Variants in NTNG2 observed in about 807,000 individuals in gnomAD.
NTNG2 encodes the protein netrin G2, also known as netrin-G2.
In NTNG2, 15 loss-of-function variants were observed where a neutral mutation model predicts 47.6. The ratio of observed to expected loss-of-function variants is 0.32; its 90% CI spans 0.21 to 0.49. The LOEUF is 0.49. Ranked by LOEUF, NTNG2 falls within the 20% of genes least tolerant of loss-of-function variation. The pLI is 0.99. For synonymous variants in NTNG2, 307 were observed against 324.6 expected (o/e 0.95, Z 0.58); for missense variants, 578 against 764.6 (o/e 0.76, Z 2.88).
chr9:132,167,098 G>C, intron 2 of NTNG2, 54 bp downstream of exon 2: 1 of 1,583,332 alleles, frequency 6.3e-7, no homozygotes, highest in Non-Finnish European at 8.6e-7. Flanking sequence ...AGGAGGTCTG[G>C]AGGAGATCCT....
intron 3 of NTNG2, among the ~76,000 whole-genome samples, chr9:132,224,926 T>C (rs1840627181): frequency 6.8e-6 from 1 of 148,034 alleles, no homozygotes; most frequent in African/African-American, 2.6e-5. Context: ...TCTCTCTGCT[T>C]TTTTTTTTCC....
chr9:132,193,138 G>A (rs547194025), intron 2 of NTNG2, among the ~76,000 whole-genome samples: 1 of 152,386 alleles, frequency 6.6e-6, no homozygotes, highest in East Asian at 1.9e-4. Context: ...AAGGCAGGAA[G>A]ATGAAGAGAG....
At chr9:132,175,109 C>T (rs948159113) in intron 2 of NTNG2, among the ~76,000 whole-genome samples, 6 of 151,890 alleles carry the variant, frequency 4.0e-5, no homozygotes, top group African/African-American at 7.2e-5. Context: ...CGTGCAGAGA[C>T]GCAGGGAAGG....
chr9:132,240,751 C>T (rs774492482), intron 6 of NTNG2, 159 bp from the exon 7 acceptor site: 22 of 1,092,500 alleles, frequency 2.0e-5, no homozygotes, highest in Non-Finnish European at 2.9e-5. Flanking sequence ...CCTGGGAAGT[C>T]CCCACCTGCC....
rs1838372415 is a variant in NTNG2 at position 132,197,158 on chromosome 9, G to A, written c.214-808G>A. Among the ~76,000 whole-genome samples the A allele has an allele frequency of 6.6e-6, 1 of 152,214 alleles. No homozygotes were observed. Among genetic ancestry groups the A allele is most frequent in the Non-Finnish European group, 1.5e-5 (1 of 68,046 alleles). Reference sequence around the variant, plus strand: ...CAATCCCAGCACTTTGGGAGGGCAAGCCAGGTGGATCAACGGAGGTCAGAG... The same window carrying A: ...CAATCCCAGCACTTTGGGAGGGCAAACCAGGTGGATCAACGGAGGTCAGAG... On this transcript the variant is annotated intron_variant, in intron 2 of 7. Transcript: ENST00000393229. The surrounding 1 kb of genome is among the most constrained non-coding windows in gnomAD (Gnocchi z 4.3).
intron 3 of NTNG2, among the ~76,000 whole-genome samples, chr9:132,207,354 C>T (rs1355766152): frequency 6.6e-6 from 1 of 152,180 alleles, no homozygotes; most frequent in Non-Finnish European, 1.5e-5. Flanking sequence ...CTGTCCCATA[C>T]CCTCCGCCCT....
Position 132,216,416 on chromosome 9 carries a change from GTGTGTGTGTGTA to G in NTNG2, c.858-10421_858-10410del, listed in dbSNP as rs1262376920. On this transcript the variant is annotated intron_variant, in intron 3 of 7. Coordinates refer to ENST00000393229, the MANE Select transcript of NTNG2 (RefSeq NM_032536.4). ...TCTCTCTCTCTCTCTCTCTCTCTCT[GTGTGTGTGTGTA>G]TGTGTGTGTGTGTGTGTGTGTGTGT... Among the ~76,000 whole-genome samples, 133 of 31,924 alleles carry G rather than the reference GTGTGTGTGTGTA, an allele frequency of 4.2e-3. 4 individuals carry two copies. Among genetic ancestry groups the G allele is most frequent in the African/African-American group, 0.018 (126 of 6,920 alleles). 20.9% of individuals were successfully genotyped at this position (31,924 alleles called of 152,430 possible). A position where few individuals can be genotyped will look rare whatever the true frequency, so the allele number is the denominator to read the frequency against.
At position 132,221,909 on chromosome 9, in the gene NTNG2, T is replaced by C. The variant is rs79125289; in HGVS notation, c.858-4940T>C. The stretch of plus-strand genomic sequence containing the variant: ...CAAGGTCAATGTTATCACCCAAAGT[T>C]GATGGCAATCTTTTCTTTCGGTAGC... On this transcript the variant is annotated intron_variant, in intron 3 of 7. Transcript: ENST00000393229. The surrounding 1 kb of genome is among the most constrained non-coding windows in gnomAD (Gnocchi z 4.2). Among the ~76,000 whole-genome samples the C allele has an allele frequency of 3.0e-4, 46 of 152,372 alleles. No individual in the cohort carries two copies. The highest frequency in any genetic ancestry group is 1.1e-3 in the African/African-American group (44 of 41,588).
intron 2 of NTNG2, among the ~76,000 whole-genome samples, chr9:132,173,645 T>C (rs967342562): frequency 2.6e-5 from 4 of 152,216 alleles, no homozygotes; most frequent in South Asian, 2.1e-4. Context: ...AGTGGATGGA[T>C]GGACAGACGA....
intron 2 of NTNG2, among the ~76,000 whole-genome samples, chr9:132,187,578 AG>A: frequency 7.0e-6 from 1 of 143,220 alleles, no homozygotes; most frequent in Non-Finnish European, 1.5e-5. Flanking sequence ...CAAGAGAGAG[AG>A]AGAGAGAGAG....
At chr9:132,230,733 A>G in intron 5 of NTNG2, 138 bp downstream of exon 5, 1 of 803,010 alleles carries the variant, frequency 1.2e-6, no homozygotes, top group South Asian at 1.6e-5. Context: ...TCCTCTAATT[A>G]CACCCCATCT....
chr9:132,183,387 C>T (rs778456367), intron 2 of NTNG2, among the ~76,000 whole-genome samples: 1 of 152,210 alleles, frequency 6.6e-6, no homozygotes, highest in Admixed American at 6.5e-5. Flanking sequence ...AGCGTGCATG[C>T]GTTAACCCAT....
chr9:132,216,513 G>A (rs11243675), intron 3 of NTNG2, among the ~76,000 whole-genome samples: 1 of 150,812 alleles, frequency 6.6e-6, no homozygotes, highest in South Asian at 2.1e-4. Context: ...TAAAGCCGTA[G>A]GATTCTGCAG....
In NTNG2 at chr9:132,236,482, C is replaced by A. The variant is rs1841634869; in HGVS notation, c.1055-2622C>A. Among the ~76,000 whole-genome samples the A allele has an allele frequency of 6.6e-6, 1 of 152,224 alleles. No homozygotes were observed. The highest frequency in any genetic ancestry group is 6.5e-5 in the Admixed American group (1 of 15,282). On this transcript the variant is annotated intron_variant, in intron 5 of 7. Transcript: ENST00000393229. The surrounding 1 kb of genome is among the most constrained non-coding windows in gnomAD (Gnocchi z 4.3). The stretch of plus-strand genomic sequence containing the variant: ...GAATTAGGGCCTGAGGTCTAGGGAA[C>A]AGGTGAGCTGTTCCTTCCAGCTCAC...
chr9:132,242,121 G>C lies in NTNG2; in HGVS notation c.*10G>C. 1 of 1,115,450 alleles carries C rather than the reference G, an allele frequency of 9.0e-7. No homozygotes were observed. Among genetic ancestry groups the C allele is most frequent in the Non-Finnish European group, 1.1e-6 (1 of 913,256 alleles). 69.1% of individuals were successfully genotyped at this position (1,115,450 alleles called of 1,614,324 possible). A position where few individuals can be genotyped will look rare whatever the true frequency, so the allele number is the denominator to read the frequency against. On this transcript the variant is annotated 3_prime_UTR_variant, in exon 8 of 8. Coordinates refer to ENST00000393229, the MANE Select transcript of NTNG2 (RefSeq NM_032536.4). This position sits in a 1 kb window ranked among gnomAD's most constrained non-coding sequence, Gnocchi z 5.9. ...CCGCCTGGGCCGCTGAGCCCCGCCC[G>C]GAGGACGCTCCCCGCACCCGGAGGC...
chr9:132,194,434 T>G (rs1471595357), intron 2 of NTNG2, among the ~76,000 whole-genome samples: 4 of 152,062 alleles, frequency 2.6e-5, no homozygotes, highest in African/African-American at 9.7e-5. Flanking sequence ...CCCTCACCAT[T>G]CCAGGCAACA....
intron 4 of NTNG2, among the ~76,000 whole-genome samples, chr9:132,230,235 A>G (rs1340292050): frequency 6.6e-6 from 1 of 152,224 alleles, no homozygotes; most frequent in Non-Finnish European, 1.5e-5. Context: ...AAATAAGAGG[A>G]GGAGTGCGTG....
At position 132,180,780 on chromosome 9, in the gene NTNG2, C is replaced by G. The variant is rs1433934645; in HGVS notation, c.213+13736C>G. ...AGGGGAGAAATGCAGGGAACCTACCCAGAAAACCCTGGAGCGGGAGCTTCT... is the reference window on the plus strand; with the variant it reads ...AGGGGAGAAATGCAGGGAACCTACCGAGAAAACCCTGGAGCGGGAGCTTCT... On this transcript the variant is annotated intron_variant, in intron 2 of 7. Coordinates refer to ENST00000393229, the MANE Select transcript of NTNG2 (RefSeq NM_032536.4). The surrounding 1 kb of genome is among the most constrained non-coding windows in gnomAD (Gnocchi z 4.2). Among the ~76,000 whole-genome samples, 1 of 152,224 alleles carries G rather than the reference C, an allele frequency of 6.6e-6. No homozygotes were observed. The highest frequency in any genetic ancestry group is 2.4e-5 in the African/African-American group (1 of 41,462).
At chr9:132,212,079 A>G (rs1388755089) in intron 3 of NTNG2, among the ~76,000 whole-genome samples, 2 of 152,092 alleles carry the variant, frequency 1.3e-5, no homozygotes, top group Non-Finnish European at 2.9e-5. Flanking sequence ...GCTTGCTAGC[A>G]CCCACCCTTG....
Sources: allele counts gnomAD v4.1 joint callset (sites outside exome capture counted in the v4.1 genomes callset), GRCh38; gene constraint gnomAD v4.1.1; non-coding constraint Gnocchi (gnomAD v3.1); transcripts MANE v1.5; gene names NCBI Gene and HGNC (gene_info 2026-07-23, HGNC 2026-07-21).